Variants in PACSIN1 observed in about 807,000 individuals in gnomAD.
PACSIN1 encodes protein kinase C and casein kinase substrate in neurons protein 1.
A neutral mutation model predicts 59.5 loss-of-function variants in PACSIN1; 15 were observed. The ratio of observed to expected loss-of-function variants is 0.25; its 90% CI spans 0.17 to 0.39. PACSIN1 has a LOEUF of 0.39. Ranked by LOEUF, PACSIN1 falls within the 10% of genes least tolerant of loss-of-function variation. The pLI is 1.00. For missense variants in PACSIN1, 420 were observed against 580.2 expected, an observed-to-expected ratio of 0.72 and a Z score of 2.84; for synonymous variants, 210 against 220.6, an observed-to-expected ratio of 0.95 and a Z score of 0.42.
chr6:34,474,901 G>A (rs1199238361), intron 1 of PACSIN1, among the ~76,000 whole-genome samples: 2 of 151,460 alleles, frequency 1.3e-5, no homozygotes, highest in African/African-American at 4.9e-5. Context: ...TGATCCCCAG[G>A]TCATTTCTTG....
chr6:34,531,579 G>A lies in PACSIN1; in HGVS notation c.1038-21G>A. 2 of 1,611,882 alleles carry A rather than the reference G, an allele frequency of 1.2e-6. No homozygotes were observed. Among genetic ancestry groups the A allele is most frequent in the African/African-American group, 2.7e-5 (2 of 74,994 alleles). ...GCGGTACGGGGAGACATTGAAGCTGGCTCCTTCCTCCGCGTCTCAGTGTTA... is the reference window on the plus strand; with the variant it reads ...GCGGTACGGGGAGACATTGAAGCTGACTCCTTCCTCCGCGTCTCAGTGTTA... On this transcript the variant is annotated intron_variant, in intron 8 of 9. Coordinates refer to ENST00000244458, the MANE Select transcript of PACSIN1 (RefSeq NM_020804.5). This position sits in a 1 kb window ranked among gnomAD's most constrained non-coding sequence, Gnocchi z 4.4.
At chr6:34,522,156 T>G (rs1767404865) in intron 1 of PACSIN1, among the ~76,000 whole-genome samples, 1 of 152,212 alleles carries the variant, frequency 6.6e-6, no homozygotes, top group African/African-American at 2.4e-5. Flanking sequence ...GCTTCCGCTC[T>G]CCCTCAGGGG....
chr6:34,504,493 G>A (rs1281366389), intron 1 of PACSIN1, among the ~76,000 whole-genome samples: 1 of 152,018 alleles, frequency 6.6e-6, no homozygotes, highest in Non-Finnish European at 1.5e-5. Flanking sequence ...GTTTCGCCCT[G>A]TTGGCTTGGC....
chr6:34,512,028 A>G (rs538278312), intron 1 of PACSIN1, among the ~76,000 whole-genome samples: 1 of 152,104 alleles, frequency 6.6e-6, no homozygotes, highest in South Asian at 2.1e-4. Flanking sequence ...GAGGTTGGGC[A>G]TGGAGTGTGT....
intron 1 of PACSIN1, among the ~76,000 whole-genome samples, chr6:34,468,702 A>G (rs1766530436): frequency 6.6e-6 from 1 of 152,098 alleles, no homozygotes; most frequent in African/African-American, 2.4e-5. Flanking sequence ...TTTTTCCTCC[A>G]GAAGCTTCCC....
rs1052873431 is a variant in PACSIN1 at position 34,525,172 on chromosome 6, C to T, written c.-63-1071C>T. Among the ~76,000 whole-genome samples, 16 of 152,218 alleles carry T rather than the reference C, an allele frequency of 1.1e-4. No individual in the cohort carries two copies. Among genetic ancestry groups the T allele is most frequent in the Admixed American group, 6.5e-4 (10 of 15,290 alleles). Reference sequence around the variant, plus strand: ...AGCCGTCCTCCCTCTCACCCACCCGCACTGTGCGTGAGTTTATGGGAAAGT... The same window carrying T: ...AGCCGTCCTCCCTCTCACCCACCCGTACTGTGCGTGAGTTTATGGGAAAGT... On this transcript the variant is annotated intron_variant, in intron 1 of 9. Transcript: ENST00000244458. The surrounding 1 kb of genome is among the most constrained non-coding windows in gnomAD (Gnocchi z 4.9).
chr6:34,528,675 G>A lies in PACSIN1; in HGVS notation c.254G>A (p.Gly85Asp). 6.2e-7 allele frequency: 1 copy of A among 1,614,000 alleles called. No individual in the cohort carries two copies. The highest frequency in any genetic ancestry group is 8.5e-7 in the Non-Finnish European group (1 of 1,179,990). Residue 85 changes from glycine (G) to aspartate (D), a missense_variant, in exon 4 of 10, where the codon GGT (glycine) becomes GAT (aspartate). Transcript: ENST00000244458. ...TATGGCAGCCTGGAGCGGGCCTGGG[G>A]TGCCATAATGACAGAGGCAGACAAG... is the stretch of plus-strand genomic sequence containing the variant. ...PQYGSLERAW[G>D]AIMTEADKVS...
chr6:34,492,705 T>G (rs1766896174), intron 1 of PACSIN1, among the ~76,000 whole-genome samples: 2 of 152,310 alleles, frequency 1.3e-5, no homozygotes, highest in Middle Eastern at 3.4e-3. Context: ...TCTAGTGAAT[T>G]AATGCATGAA....
At chr6:34,507,039 A>G (rs1463789634) in intron 1 of PACSIN1, among the ~76,000 whole-genome samples, 3 of 152,104 alleles carry the variant, frequency 2.0e-5, no homozygotes, top group Non-Finnish European at 4.4e-5. Context: ...TAGGGACGTC[A>G]TTGTTTTAAA....
intron 1 of PACSIN1, among the ~76,000 whole-genome samples, chr6:34,468,146 C>T (rs1383764017): frequency 6.6e-6 from 1 of 152,230 alleles, no homozygotes. Context: ...CTTCCTCAGC[C>T]TCTAAGGTCT....
chr6:34,496,468 G>C (rs767942626), intron 1 of PACSIN1, among the ~76,000 whole-genome samples: 2 of 152,222 alleles, frequency 1.3e-5, no homozygotes, highest in Non-Finnish European at 2.9e-5. Context: ...TGGCGCAGAG[G>C]CTGCTCGGCC....
At chr6:34,517,870 T>G (rs1275776318) in intron 1 of PACSIN1, among the ~76,000 whole-genome samples, 3 of 151,906 alleles carry the variant, frequency 2.0e-5, no homozygotes, top group East Asian at 3.9e-4. Context: ...AGGGAGGGGG[T>G]TTTCTGTCTT....
At chr6:34,467,629 G>A (rs1766515377) in intron 1 of PACSIN1, among the ~76,000 whole-genome samples, 1 of 139,672 alleles carries the variant, frequency 7.2e-6, no homozygotes, top group South Asian at 2.3e-4. Context: ...CACGATCTCA[G>A]CTCACCGCAA....
At position 34,528,790 on chromosome 6, in the gene PACSIN1, G is replaced by A. The variant is rs1767534862; in HGVS notation, c.369G>A (p.Lys123=). 2 of 1,613,800 alleles carry A rather than the reference G, an allele frequency of 1.2e-6. No homozygotes were observed. Among genetic ancestry groups the A allele is most frequent in the Admixed American group, 1.7e-5 (1 of 59,992 alleles). Residue 123 remains lysine (K), a synonymous_variant, in exon 4 of 10, where the codon AAG becomes AAA. Coordinates refer to ENST00000244458, the MANE Select transcript of PACSIN1 (RefSeq NM_020804.5). The part of the protein sequence containing the change: ...VKNWQKDAYH[K]QIMGGFKETK... ...ACTGGCAGAAGGACGCCTATCACAA[G>A]CAGATCATGGGTGGCTTCAAGGAGA...
chr6:34,498,796 C>CAAA (rs1228510694), intron 1 of PACSIN1, among the ~76,000 whole-genome samples: 46 of 95,526 alleles, frequency 4.8e-4, no homozygotes, highest in African/African-American at 1.2e-3. Context: ...GACTTTGTCT[C>CAAA]AAAAAAAAAA....
At chr6:34,493,563 C>T (rs138618312) in intron 1 of PACSIN1, among the ~76,000 whole-genome samples, 74 of 152,310 alleles carry the variant, frequency 4.9e-4, no homozygotes, top group African/African-American at 1.6e-3. Context: ...TGCATCCTCG[C>T]CAACACTTGA....
At chr6:34,528,348 A>G (rs1767525855) in intron 3 of PACSIN1, among the ~76,000 whole-genome samples, 1 of 152,144 alleles carries the variant, frequency 6.6e-6, no homozygotes, top group South Asian at 2.1e-4. Flanking sequence ...CTCCGACCCC[A>G]TTCCATGGGG....
At chr6:34,468,906 T>C (rs1766533737) in intron 1 of PACSIN1, among the ~76,000 whole-genome samples, 1 of 152,228 alleles carries the variant, frequency 6.6e-6, no homozygotes, top group Non-Finnish European at 1.5e-5. Flanking sequence ...AGTGAGTGAC[T>C]GTTGGTCCCA....
At chr6:34,493,337 G>T (rs1253415435) in intron 1 of PACSIN1, among the ~76,000 whole-genome samples, 2 of 152,230 alleles carry the variant, frequency 1.3e-5, no homozygotes, top group African/African-American at 4.8e-5. Context: ...CACGTAGGTT[G>T]TTTGGGGGCT....
Sources: gnomAD v4.1 joint callset for allele counts (sites outside exome capture counted in the v4.1 genomes callset) on GRCh38, gnomAD v4.1.1 for gene constraint, Gnocchi (gnomAD v3.1) non-coding constraint, MANE v1.5 for transcripts, NCBI Gene and HGNC (gene_info 2026-07-23, HGNC 2026-07-21) for gene names.